Variants in TTC6 observed in about 807,000 individuals in gnomAD.
The protein encoded by TTC6 is tetratricopeptide repeat protein 6.
Under a neutral mutation model 210.4 loss-of-function variants are expected in TTC6, and 172 were observed. The ratio of observed to expected loss-of-function variants is 0.82; its 90% CI spans 0.72 to 0.93. The LOEUF (loss-of-function observed/expected upper bound fraction) is 0.93, where lower values mean the gene tolerates loss of function less well. Among genes scored for constraint, TTC6 ranks in the 40% least tolerant of loss-of-function variants. The probability of loss-of-function intolerance (pLI) is 0.00; values close to 1 mark genes in which losing one functional copy is unlikely to be tolerated. For synonymous variants in TTC6, 804 were observed against 819.6 expected (o/e 0.98, Z 0.32); for missense variants, 2,414 against 2,318.1 (o/e 1.04, Z -0.85).
At chr14:37,753,010 TA>T in intron 13 of TTC6, 88 bp from the exon 16 acceptor site, 2 of 1,055,654 alleles carry the variant, frequency 1.9e-6, no homozygotes, top group Non-Finnish European at 2.5e-6. Context: ...AACCCGAAGT[TA>T]AAAACATAGT....
At chr14:37,810,326 A>G (rs1456968352) in intron 24 of TTC6, among the ~76,000 whole-genome samples, 3 of 152,286 alleles carry the variant, frequency 2.0e-5, no homozygotes, top group East Asian at 3.9e-4. Context: ...CGAGGAGGGA[A>G]CACCCATTGT....
At chr14:37,710,226 G>A (rs1466361354) in intron 5 of TTC6, among the ~76,000 whole-genome samples, 1 of 152,136 alleles carries the variant, frequency 6.6e-6, no homozygotes, top group African/African-American at 2.4e-5. Context: ...GTGAAGCTGT[G>A]ATGGAGAACC....
intron 16 of TTC6, among the ~76,000 whole-genome samples, chr14:37,792,014 G>A (rs2096080881): frequency 6.6e-6 from 1 of 152,152 alleles, no homozygotes; most frequent in Non-Finnish European, 1.5e-5. Context: ...TTTGCTAAAA[G>A]TCTAGGAGAC....
At chr14:37,688,761 C>T (rs909715489) in intron 3 of TTC6, among the ~76,000 whole-genome samples, 1 of 152,112 alleles carries the variant, frequency 6.6e-6, no homozygotes, top group Non-Finnish European at 1.5e-5. Flanking sequence ...GGCTTGGGGT[C>T]CCCCGCCCTA....
At chr14:37,716,579 G>A (rs2095853126) in intron 6 of TTC6, among the ~76,000 whole-genome samples, 1 of 152,020 alleles carries the variant, frequency 6.6e-6, no homozygotes. Context: ...AGTTCTCAGA[G>A]ACACAAAGGG....
intron 17 of TTC6, among the ~76,000 whole-genome samples, chr14:37,793,719 T>C (rs1378020355): frequency 6.6e-6 from 1 of 152,208 alleles, no homozygotes; most frequent in Non-Finnish European, 1.5e-5. Flanking sequence ...ACTAGCATGA[T>C]AGCAAGGTGT....
At chr14:37,605,662 A>G (rs2095623831) in intron 1 of TTC6, among the ~76,000 whole-genome samples, 1 of 152,218 alleles carries the variant, frequency 6.6e-6, no homozygotes, top group African/African-American at 2.4e-5. Flanking sequence ...CTACCTTTAG[A>G]AAAGGAATGT....
chr14:37,708,800 C>T (rs2095839887), intron 5 of TTC6, among the ~76,000 whole-genome samples: 1 of 152,046 alleles, frequency 6.6e-6, no homozygotes, highest in Admixed American at 6.6e-5. Context: ...TTGCTTGTTC[C>T]CTCCTAGGAA....
At chr14:37,764,795 T>G (rs1261114187) in intron 14 of TTC6, among the ~76,000 whole-genome samples, 6 of 152,154 alleles carry the variant, frequency 3.9e-5, no homozygotes, top group African/African-American at 7.2e-5. Context: ...TAAGGAGAGA[T>G]AACTCTGCCA....
chr14:37,809,263 T>C (rs1477575321), intron 24 of TTC6, among the ~76,000 whole-genome samples: 1 of 147,746 alleles, frequency 6.8e-6, no homozygotes, highest in Non-Finnish European at 1.5e-5. Flanking sequence ...TTTTTTTTTT[T>C]TTTTTTTGAG....
chr14:37,797,388 T>C (rs2096095205), intron 20 of TTC6, among the ~76,000 whole-genome samples: 1 of 152,072 alleles, frequency 6.6e-6, no homozygotes, highest in Non-Finnish European at 1.5e-5. Flanking sequence ...TGTCTTGTGG[T>C]CTTAATTCAC....
intron 4 of TTC6, among the ~76,000 whole-genome samples, chr14:37,699,255 G>C (rs979924071): frequency 6.6e-6 from 1 of 152,214 alleles, no homozygotes. Flanking sequence ...GTAGCCCTAT[G>C]ATTTGTCCTG....
At chr14:37,812,152 G>A (rs118003530) in intron 24 of TTC6, among the ~76,000 whole-genome samples, 162 bp from the exon 27 acceptor site, 5,276 of 152,184 alleles carry the variant, frequency 0.035, 134 homozygotes, top group South Asian at 0.096. Flanking sequence ...TTTTACCTAA[G>A]GGTACCCTTT....
Position 37,640,482 on chromosome 14 carries a change from C to T in TTC6, c.939+17479C>T, listed in dbSNP as rs73263325. On this transcript the variant is annotated intron_variant, in intron 1 of 30. Coordinates refer to ENST00000553443, the Ensembl canonical transcript of TTC6. Reference sequence around the variant, plus strand: ...AAAAGCATCTCCTCCTAGTCCTCCACGAATTTTTTTTAAAATACATAACTC... The same window carrying T: ...AAAAGCATCTCCTCCTAGTCCTCCATGAATTTTTTTTAAAATACATAACTC... 2.5e-3 allele frequency among the ~76,000 whole-genome samples: 377 copies of T among 152,218 alleles called. 2 individuals carry two copies. The highest frequency in any genetic ancestry group is 7.9e-3 in the African/African-American group (328 of 41,540).
chr14:37,704,095 T>A (rs1041904486), intron 5 of TTC6, among the ~76,000 whole-genome samples: 10 of 152,156 alleles, frequency 6.6e-5, no homozygotes, highest in Non-Finnish European at 1.3e-4. Context: ...TATACAAAAA[T>A]TTTTTAATAG....
chr14:37,816,410 C>A (rs17107148), intron 25 of TTC6, among the ~76,000 whole-genome samples: 3,141 of 152,154 alleles, frequency 0.021, 34 homozygotes, highest in Non-Finnish European at 0.03. Context: ...TTGATTAGCT[C>A]TTTTCTGGCT....
intron 7 of TTC6, among the ~76,000 whole-genome samples, chr14:37,735,633 TCATAG>T (rs2095899637): frequency 1.3e-5 from 2 of 152,154 alleles, no homozygotes; most frequent in Admixed American, 6.5e-5. Flanking sequence ...ACCTATGAGA[TCATAG>T]GATCATTGAT....
intron 2 of TTC6, among the ~76,000 whole-genome samples, chr14:37,611,526 C>G (rs761388516): frequency 2.0e-5 from 3 of 152,224 alleles, no homozygotes; most frequent in Admixed American, 6.5e-5. Flanking sequence ...GGCTGGGGCA[C>G]TGGGGCTGGA....
At chr14:37,664,655 T>C (rs1221005275) in intron 1 of TTC6, among the ~76,000 whole-genome samples, 1 of 150,588 alleles carries the variant, frequency 6.6e-6, no homozygotes, top group Non-Finnish European at 1.5e-5. Context: ...ACAAATGGGA[T>C]CTAATTAAAC....
Sources: allele counts gnomAD v4.1 joint callset (sites outside exome capture counted in the v4.1 genomes callset), GRCh38; gene constraint gnomAD v4.1.1; transcripts MANE v1.5; gene names NCBI Gene and HGNC (gene_info 2026-07-23, HGNC 2026-07-21).